VPS53: variants seen among roughly 807,000 people sequenced by gnomAD.
VPS53 encodes the protein vacuolar protein sorting-associated protein 53 homolog.
VPS53 carries 70 observed loss-of-function variants against 107.0 expected under a neutral mutation model. That is an observed-to-expected ratio of 0.65 (90% CI 0.54 to 0.80). VPS53 has a LOEUF of 0.80. Among genes scored for constraint, VPS53 ranks in the 30% least tolerant of loss-of-function variants. The probability of loss-of-function intolerance (pLI) is 0.00; values close to 1 mark genes in which losing one functional copy is unlikely to be tolerated. For missense variants in VPS53, 917 were observed against 1,049.4 expected (o/e 0.87, Z 1.74); for synonymous variants, 409 against 393.3 (o/e 1.04, Z -0.47).
At chr17:651,722 C>T (rs1184943077) in intron 7 of VPS53, among the ~76,000 whole-genome samples, 3 of 152,214 alleles carry the variant, frequency 2.0e-5, no homozygotes, top group East Asian at 1.9e-4. Context: ...TCAGTAACAA[C>T]GCCTTCATTT....
chr17:669,707 C>T (rs2143686169), intron 4 of VPS53, among the ~76,000 whole-genome samples: 2 of 151,084 alleles, frequency 1.3e-5, no homozygotes, highest in South Asian at 4.2e-4. Flanking sequence ...TCCTGCCCAA[C>T]ATGGTGAAAC....
intron 7 of VPS53, among the ~76,000 whole-genome samples, chr17:644,902 A>T (rs2143384287): frequency 6.6e-6 from 1 of 152,346 alleles, no homozygotes; most frequent in South Asian, 2.1e-4. Context: ...GTTACTTAAT[A>T]GCACATATTC....
chr17:695,611 G>A (rs749094417), intron 4 of VPS53, among the ~76,000 whole-genome samples: 54 of 151,842 alleles, frequency 3.6e-4, no homozygotes, highest in Non-Finnish European at 6.8e-4. Flanking sequence ...GTGCAGTGGC[G>A]CGATGATGGC....
Position 537,131 on chromosome 17 carries a change from C to T in VPS53, c.1912G>A (p.Val638Ile), listed in dbSNP as rs1354310770. ...VEHVGDQSPYVTSVILHIKQN... is the reference protein window; with the variant it reads ...VEHVGDQSPYITSVILHIKQN... ...TTGATGTGCAGAATGACAGAGGTGA[C>T]GTAGGGGCTCTGGTCACCAACGTGC... The change falls in exon 18 of 22, where the codon GTC becomes ATC. Residue 638 changes from valine (V) to isoleucine (I), a missense_variant. Transcript: ENST00000437048. 11 of 1,614,014 alleles carry T rather than the reference C, an allele frequency of 6.8e-6. No homozygotes were observed. Among genetic ancestry groups the T allele is most frequent in the East Asian group, 2.2e-5 (1 of 44,856 alleles).
chr17:532,687 C>A, intron 19 of VPS53, 155 bp downstream of exon 19: 1 of 1,411,012 alleles, frequency 7.1e-7, no homozygotes, highest in Non-Finnish European at 9.3e-7. Flanking sequence ...AATGGAAGAA[C>A]GAATTAAGAA....
rs1483464986 is a variant in VPS53 at position 649,017 on chromosome 17, A to AG, written c.608+4273_608+4274insC. Reference sequence around the variant, plus strand: ...GGACAGAGGAATGAACAGGCAATGAAAATCTTACACTGGAGGACAGAGGAA... The same window carrying AG: ...GGACAGAGGAATGAACAGGCAATGAAGAATCTTACACTGGAGGACAGAGGAA... On this transcript the variant is annotated intron_variant, in intron 7 of 21. Coordinates refer to ENST00000437048, the MANE Select transcript of VPS53 (RefSeq NM_001128159.3). 1.7e-4 allele frequency among the ~76,000 whole-genome samples: 3 copies of AG among 17,224 alleles called. 1 individual carries two copies. Among genetic ancestry groups the AG allele is most frequent in the African/African-American group, 3.6e-4 (2 of 5,550 alleles). The allele number at this position is 17,224 out of a possible 152,430, so 11.3% of individuals were successfully genotyped here.
intron 7 of VPS53, among the ~76,000 whole-genome samples, chr17:645,180 A>AACAAGTGG (rs1280594272): frequency 6.6e-6 from 1 of 152,248 alleles, no homozygotes; most frequent in Non-Finnish European, 1.5e-5. Flanking sequence ...AGCAAAAAGA[A>AACAAGTGG]ACAAGTGGGA....
chr17:642,690 G>A (rs1220265116), intron 7 of VPS53, among the ~76,000 whole-genome samples: 8 of 149,604 alleles, frequency 5.3e-5, no homozygotes, highest in Admixed American at 3.3e-4. Flanking sequence ...CTTGGCAACC[G>A]AGGACAACAC....
intron 4 of VPS53, among the ~76,000 whole-genome samples, chr17:670,094 CT>C (rs36000061): frequency 6.6e-6 from 1 of 152,044 alleles, no homozygotes; most frequent in Non-Finnish European, 1.5e-5. Context: ...TGTTGTGGCC[CT>C]TTTTAGGACT....
Position 513,340 on chromosome 17 carries a change from A to T in VPS53, c.*5788T>A, listed in dbSNP as rs1908067402. On this transcript the variant is annotated 3_prime_UTR_variant, in exon 22 of 22. Coordinates refer to ENST00000437048, the MANE Select transcript of VPS53 (RefSeq NM_001128159.3). Reference sequence around the variant, plus strand: ...CACAAAGAAGCAATCCCTTTATTTTAAGGAAATTTATATCTCCCAAAGGTG... The same window carrying T: ...CACAAAGAAGCAATCCCTTTATTTTTAGGAAATTTATATCTCCCAAAGGTG... The T allele has an allele frequency of 6.6e-6, 1 of 152,214 alleles. No homozygotes were observed. The highest frequency in any genetic ancestry group is 2.4e-5 in the African/African-American group (1 of 41,452). The allele number at this position is 152,214 out of a possible 1,614,324, so 9.4% of individuals were successfully genotyped here. A position where few individuals can be genotyped will look rare whatever the true frequency, so the allele number is the denominator to read the frequency against.
At chr17:574,387 A>C (rs927497679) in intron 13 of VPS53, among the ~76,000 whole-genome samples, 3 of 152,220 alleles carry the variant, frequency 2.0e-5, no homozygotes, top group Non-Finnish European at 4.4e-5. Context: ...AGTGGATGCC[A>C]GAATTACAAT....
chr17:617,806 C>T (rs2143017024), intron 11 of VPS53, among the ~76,000 whole-genome samples: 1 of 130,072 alleles, frequency 7.7e-6, no homozygotes, highest in East Asian at 2.3e-4. Flanking sequence ...CGTGCGCCAC[C>T]ACGCCCCACT....
rs373128347 is a variant in VPS53 at position 601,771 on chromosome 17, C to T, written c.1218+24G>A. The T allele has an allele frequency of 1.5e-4, 238 of 1,553,244 alleles. No homozygotes were observed. Among genetic ancestry groups the T allele is most frequent in the Non-Finnish European group, 1.8e-4 (206 of 1,142,264 alleles). Reference sequence around the variant, plus strand: ...AGAAACGCACATTGGGTAGGTTACCCGTGGTGACGCAAACCAGACTTACTT... The same window carrying T: ...AGAAACGCACATTGGGTAGGTTACCTGTGGTGACGCAAACCAGACTTACTT... On this transcript the variant is annotated intron_variant, in intron 12 of 21. Transcript: ENST00000437048.
Position 648,851 on chromosome 17 carries a change from C to A in VPS53, c.608+4440G>T, listed in dbSNP as rs111870719. Among the ~76,000 whole-genome samples, 18 of 124,880 alleles carry A rather than the reference C, an allele frequency of 1.4e-4. No individual in the cohort carries two copies. The East Asian group carries it at 3.2e-3, about 22-fold the overall frequency. 81.9% of individuals were successfully genotyped at this position (124,880 alleles called of 152,430 possible). A position where few individuals can be genotyped will look rare whatever the true frequency, so the allele number is the denominator to read the frequency against. On this transcript the variant is annotated intron_variant, in intron 7 of 21. Coordinates refer to ENST00000437048, the MANE Select transcript of VPS53 (RefSeq NM_001128159.3). ...GGAGGACAGAGGAATGGTACAGGCA[C>A]TGAAGATCTTACACTGGAGGACAGA...
At chr17:562,093 C>T (rs8080776) in intron 14 of VPS53, among the ~76,000 whole-genome samples, 8,031 of 152,266 alleles carry the variant, frequency 0.053, 690 homozygotes, top group African/African-American at 0.18. Context: ...AAAGCAGATT[C>T]ATTCCTCCAA....
intron 4 of VPS53, among the ~76,000 whole-genome samples, chr17:668,375 G>A (rs1971787946): frequency 1.3e-5 from 2 of 152,258 alleles, no homozygotes; most frequent in Non-Finnish European, 1.5e-5. Context: ...TAAGAGTGCT[G>A]GTGCTGAGGC....
At chr17:563,762 A>C (rs1263868409) in intron 13 of VPS53, among the ~76,000 whole-genome samples, 1 of 152,240 alleles carries the variant, frequency 6.6e-6, no homozygotes, top group Non-Finnish European at 1.5e-5. Flanking sequence ...TCAAGCCTTT[A>C]AGCACTCTAC....
At chr17:708,202 G>T (rs534349715) in intron 2 of VPS53, among the ~76,000 whole-genome samples, 2 of 152,294 alleles carry the variant, frequency 1.3e-5, no homozygotes, top group Admixed American at 1.3e-4. Context: ...TCCAATAGTG[G>T]CCCCGAATGC....
chr17:658,619 G>A (rs1270339181), intron 5 of VPS53, among the ~76,000 whole-genome samples: 7 of 104,276 alleles, frequency 6.7e-5, no homozygotes, highest in South Asian at 3.4e-4. Flanking sequence ...GAGTTCGTGG[G>A]TAGATACATC....
Sources: allele counts gnomAD v4.1 joint callset (sites outside exome capture counted in the v4.1 genomes callset), GRCh38; gene constraint gnomAD v4.1.1; transcripts MANE v1.5; gene names NCBI Gene and HGNC (gene_info 2026-07-23, HGNC 2026-07-21).